The following NCALD variants were observed in gnomAD, a reference collection of about 807,000 sequenced individuals.
NCALD encodes the protein neurocalcin-delta.
A neutral mutation model predicts 18.6 loss-of-function variants in NCALD; 10 were observed. That is an observed-to-expected ratio of 0.54 (90% CI 0.33 to 0.91). The LOEUF is 0.91. Among genes scored for constraint, NCALD ranks in the 40% least tolerant of loss-of-function variants. The pLI, the probability that NCALD is intolerant of heterozygous loss-of-function variation, is 0.03. For synonymous variants in NCALD, 88 were observed against 87.4 expected (o/e 1.01, Z -0.04); for missense variants, 184 against 247.6 (o/e 0.74, Z 1.72).
chr8:101,752,779 T>C (rs750330035), intron 1 of NCALD, among the ~76,000 whole-genome samples: 12 of 152,244 alleles, frequency 7.9e-5, no homozygotes, highest in Non-Finnish European at 1.5e-4. Context: ...AGCAATATAA[T>C]GTGAGCTACA....
chr8:101,768,730 A>AC (rs899471991), intron 1 of NCALD, among the ~76,000 whole-genome samples: 1 of 151,546 alleles, frequency 6.6e-6, no homozygotes, highest in Non-Finnish European at 1.5e-5. Flanking sequence ...AAACAAAAAA[A>AC]AAAAAAGAAA....
intron 4 of NCALD, chr8:101,872,515 T>G (rs1206898706): frequency 2.8e-6 from 2 of 726,526 alleles, no homozygotes; most frequent in Non-Finnish European, 5.1e-6. Flanking sequence ...GTCTAAGATG[T>G]CATTCCACTC....
rs921650591 is a variant in NCALD at position 101,957,368 on chromosome 8, C to T, written c.-156-41510G>A. Among the ~76,000 whole-genome samples, 5 of 144,418 alleles carry T rather than the reference C, an allele frequency of 3.5e-5. No homozygotes were observed. In the Admixed American group the frequency reaches 3.5e-4, roughly 10 times the overall value. 94.7% of individuals were successfully genotyped at this position (144,418 alleles called of 152,430 possible). A position where few individuals can be genotyped will look rare whatever the true frequency, so the allele number is the denominator to read the frequency against. On this transcript the variant is annotated intron_variant, in intron 2 of 6. Transcript: ENST00000311028. Reference sequence around the variant, plus strand: ...AGAGATGAAGATAAACAAGAAGTTGCCCTCCGCAGCCAAAGAGCATAATAC... The same window carrying T: ...AGAGATGAAGATAAACAAGAAGTTGTCCTCCGCAGCCAAAGAGCATAATAC...
At position 101,777,331 on chromosome 8, in the gene NCALD, G is replaced by A. The variant is rs935237388; in HGVS notation, c.-20+13531C>T. Among the ~76,000 whole-genome samples the A allele has an allele frequency of 2.0e-5, 3 of 152,314 alleles. No homozygotes were observed. The East Asian group carries it at 5.8e-4, about 29-fold the overall frequency. On this transcript the variant is annotated intron_variant, in intron 1 of 3. Transcript: ENST00000220931. ...CATTCAGAAAGCTTGTAGCTTAATG[G>A]AGAAGACAGACAGAAAATTGTAGAA...
intron 1 of NCALD, among the ~76,000 whole-genome samples, chr8:102,032,864 A>T (rs1191534665): frequency 1.3e-5 from 2 of 152,130 alleles, no homozygotes; most frequent in African/African-American, 2.4e-5. Flanking sequence ...TCATGACAGT[A>T]ATCAATGAGT....
chr8:101,800,954 G>A lies in NCALD; in HGVS notation c.-19-81306C>T, dbSNP rs1812823533. On this transcript the variant is annotated intron_variant, in intron 4 of 6. Coordinates refer to the NCALD transcript ENST00000311028. ...GGGAGGGGAGAGGAAGGGAGAAGAG[G>A]GGAGGGGAGAAGAGGGGAGGGGAAA... 6.9e-5 allele frequency among the ~76,000 whole-genome samples: 7 copies of A among 100,720 alleles called. No individual in the cohort carries two copies. In the South Asian group the frequency reaches 3.3e-3, roughly 48 times the overall value. 66.1% of individuals were successfully genotyped at this position (100,720 alleles called of 152,430 possible).
chr8:101,798,249 A>T (rs1428317595), intron 4 of NCALD, among the ~76,000 whole-genome samples: 2 of 152,212 alleles, frequency 1.3e-5, no homozygotes, highest in Admixed American at 6.5e-5. Context: ...TTATCTATAT[A>T]GGAAACCCCA....
chr8:102,101,188 C>T (rs989562127), intron 1 of NCALD, among the ~76,000 whole-genome samples: 4 of 152,304 alleles, frequency 2.6e-5, no homozygotes, highest in South Asian at 2.1e-4. Context: ...AGTGTGCACG[C>T]GTCCTCTCTA....
chr8:102,015,886 C>A (rs1255583607), intron 2 of NCALD, among the ~76,000 whole-genome samples: 1 of 152,114 alleles, frequency 6.6e-6, no homozygotes, highest in South Asian at 2.1e-4. Context: ...ATGAGATGAG[C>A]CCCAGCTCTC....
chr8:101,820,205 G>C (rs1481122417), intron 4 of NCALD, among the ~76,000 whole-genome samples: 1 of 152,144 alleles, frequency 6.6e-6, no homozygotes, highest in Non-Finnish European at 1.5e-5. Context: ...ATATAATCTT[G>C]CCTTTAATAA....
chr8:102,047,397 A>G (rs1448617040), intron 1 of NCALD, among the ~76,000 whole-genome samples: 1 of 152,218 alleles, frequency 6.6e-6, no homozygotes, highest in Non-Finnish European at 1.5e-5. Flanking sequence ...CTAGAGCAGC[A>G]CTGTCCATGA....
intron 2 of NCALD, among the ~76,000 whole-genome samples, chr8:102,003,069 C>CA (rs1180008894): frequency 2.6e-5 from 4 of 151,968 alleles, no homozygotes; most frequent in African/African-American, 7.2e-5. Flanking sequence ...AAAAAACCTT[C>CA]AAAAAATCAA....
intron 1 of NCALD, among the ~76,000 whole-genome samples, chr8:102,094,222 C>A (rs1825017880): frequency 6.6e-6 from 1 of 152,128 alleles, no homozygotes; most frequent in South Asian, 2.1e-4. Flanking sequence ...ATTAAGAATA[C>A]TATGAAATTT....
At chr8:101,905,276 C>CCTCTCT (rs58447809) in intron 3 of NCALD, among the ~76,000 whole-genome samples, 2,013 of 145,520 alleles carry the variant, frequency 0.014, 14 homozygotes, top group African/African-American at 0.018. Flanking sequence ...TCTCTCCTCT[C>CCTCTCT]CTCTCTCTCT....
chr8:101,761,932 A>G (rs1376378160), intron 1 of NCALD, among the ~76,000 whole-genome samples: 1 of 152,284 alleles, frequency 6.6e-6, no homozygotes, highest in Non-Finnish European at 1.5e-5. Flanking sequence ...GTATAATCCA[A>G]ATTCCACTAT....
chr8:101,842,225 C>T (rs573044635), intron 4 of NCALD, among the ~76,000 whole-genome samples: 11 of 152,110 alleles, frequency 7.2e-5, no homozygotes, highest in East Asian at 3.9e-4. Flanking sequence ...CTCATTTTAA[C>T]GTAATCACCT....
chr8:101,926,178 G>A (rs1039393356), intron 2 of NCALD, among the ~76,000 whole-genome samples: 1 of 152,192 alleles, frequency 6.6e-6, no homozygotes, highest in Non-Finnish European at 1.5e-5. Flanking sequence ...ACCAGCAGCA[G>A]AGCCATCAGC....
chr8:101,808,014 T>A (rs1454446624), intron 4 of NCALD, among the ~76,000 whole-genome samples: 8 of 151,878 alleles, frequency 5.3e-5, no homozygotes, highest in Admixed American at 5.2e-4. Flanking sequence ...TTGAACAAAT[T>A]AATAAAAGTA....
At chr8:102,052,214 A>T (rs987835764) in intron 1 of NCALD, among the ~76,000 whole-genome samples, 1 of 152,236 alleles carries the variant, frequency 6.6e-6, no homozygotes, top group Non-Finnish European at 1.5e-5. Flanking sequence ...ATGTGTTGAT[A>T]ACATGTGCTG....
Sources: gnomAD v4.1 joint callset for allele counts (sites outside exome capture counted in the v4.1 genomes callset) on GRCh38, gnomAD v4.1.1 for gene constraint, MANE v1.5 for transcripts, NCBI Gene and HGNC (gene_info 2026-07-23, HGNC 2026-07-21) for gene names.